Variants in SYT9 observed in about 807,000 individuals in gnomAD.
SYT9 encodes synaptotagmin 9.
SYT9 carries 22 observed loss-of-function variants against 48.4 expected under a neutral mutation model. The observed-to-expected ratio is 0.45, with a 90% confidence interval of 0.32 to 0.65. The LOEUF is 0.65. SYT9 is among the 30% of genes least tolerant of loss of function. The pLI is 0.03. For synonymous variants in SYT9, 265 were observed against 245.0 expected (o/e 1.08, Z -0.76); for missense variants, 577 against 622.0 (o/e 0.93, Z 0.77).
chr11:7,309,162 T>G (rs1465794966), intron 2 of SYT9, among the ~76,000 whole-genome samples: 1 of 152,224 alleles, frequency 6.6e-6, no homozygotes, highest in Non-Finnish European at 1.5e-5. Context: ...TATTTTCTCT[T>G]TGTTGTTTCT....
chr11:7,424,988 G>A (rs920732983), intron 6 of SYT9, among the ~76,000 whole-genome samples: 13 of 152,146 alleles, frequency 8.5e-5, no homozygotes, highest in African/African-American at 3.1e-4. Flanking sequence ...CTCTAGAAGG[G>A]TATAAACTTA....
At chr11:7,256,012 T>C (rs1847962290) in intron 1 of SYT9, among the ~76,000 whole-genome samples, 1 of 152,184 alleles carries the variant, frequency 6.6e-6, no homozygotes, top group Non-Finnish European at 1.5e-5. Flanking sequence ...CCATGGATCT[T>C]GATTATACTT....
chr11:7,385,615 T>C (rs1271466339), intron 3 of SYT9, among the ~76,000 whole-genome samples: 2 of 152,060 alleles, frequency 1.3e-5, no homozygotes, highest in Non-Finnish European at 1.5e-5. Context: ...AATTTACCTA[T>C]ATAACAAACC....
chr11:7,272,888 C>T (rs1250977786), intron 1 of SYT9, among the ~76,000 whole-genome samples: 1 of 152,130 alleles, frequency 6.6e-6, no homozygotes, highest in African/African-American at 2.4e-5. Context: ...CTTGAAGTGG[C>T]ATGTGACCTT....
At chr11:7,289,499 A>G (rs1848087812) in intron 1 of SYT9, among the ~76,000 whole-genome samples, 2 of 152,216 alleles carry the variant, frequency 1.3e-5, no homozygotes, top group African/African-American at 2.4e-5. Context: ...TTTTGCTACA[A>G]TTTTTAAAAA....
At chr11:7,318,731 T>C (rs529916149) in intron 3 of SYT9, among the ~76,000 whole-genome samples, 1 of 152,186 alleles carries the variant, frequency 6.6e-6, no homozygotes, top group Admixed American at 6.5e-5. Context: ...CCAGTGAGGT[T>C]TTTTTTACTC....
At position 7,468,494 on chromosome 11, in the gene SYT9, C is replaced by G; in HGVS notation, c.*1694C>G. 1 of 394,434 alleles carries G rather than the reference C, an allele frequency of 2.5e-6. No individual in the cohort carries two copies. 24.4% of individuals were successfully genotyped at this position (394,434 alleles called of 1,614,324 possible). A position where few individuals can be genotyped will look rare whatever the true frequency, so the allele number is the denominator to read the frequency against. On this transcript the variant is annotated 3_prime_UTR_variant, in exon 7 of 7. Coordinates refer to ENST00000318881, the MANE Select transcript of SYT9 (RefSeq NM_175733.4). ...TTGGCTTCCTCTGCTCAAGGTTCCC[C>G]TCTGCTCATCCCTCCTCATTCAGAC...
chr11:7,465,100 G>A (rs1309802660), intron 6 of SYT9, among the ~76,000 whole-genome samples: 1 of 151,686 alleles, frequency 6.6e-6, no homozygotes, highest in African/African-American at 2.4e-5. Context: ...AAAAACGAAA[G>A]TAGAGCTATT....
chr11:7,293,572 T>A (rs1352150197), intron 1 of SYT9, among the ~76,000 whole-genome samples: 1 of 152,182 alleles, frequency 6.6e-6, no homozygotes, highest in Non-Finnish European at 1.5e-5. Context: ...ATGAGAAGTA[T>A]TATAGTGGTT....
intron 1 of SYT9, among the ~76,000 whole-genome samples, chr11:7,240,580 G>A (rs1847730469): frequency 6.6e-6 from 1 of 152,012 alleles, no homozygotes; most frequent in Non-Finnish European, 1.5e-5. Flanking sequence ...AACATGAAGT[G>A]AATACCGTCT....
At chr11:7,352,659 A>G (rs1329485742) in intron 3 of SYT9, among the ~76,000 whole-genome samples, 1 of 152,348 alleles carries the variant, frequency 6.6e-6, no homozygotes, top group African/African-American at 2.4e-5. Context: ...AGAATAGTAC[A>G]AAATAATATG....
chr11:7,297,098 GAGAC>G (rs1327803438), intron 1 of SYT9, among the ~76,000 whole-genome samples: 383 of 130,266 alleles, frequency 2.9e-3, no homozygotes, highest in South Asian at 9.1e-3. Flanking sequence ...GAGAGAGAGA[GAGAC>G]AGAGAGAGAG....
At position 7,411,044 on chromosome 11, in the gene SYT9, G is replaced by A. The variant is rs890071933; in HGVS notation, c.1045-4998G>A. 1.3e-4 allele frequency among the ~76,000 whole-genome samples: 20 copies of A among 152,168 alleles called. No homozygotes were observed. In the East Asian group the frequency reaches 1.9e-3, roughly 15 times the overall value. On this transcript the variant is annotated intron_variant, in intron 3 of 6. Transcript: ENST00000318881. The stretch of plus-strand genomic sequence containing the variant: ...TAATTTTTGTATTTTTAGGAAAGAC[G>A]GGGTTTCACCATGTTGGCCAGGCTG...
intron 1 of SYT9, among the ~76,000 whole-genome samples, chr11:7,244,967 A>G (rs559569977): frequency 3.0e-4 from 46 of 152,346 alleles, no homozygotes; most frequent in South Asian, 1.9e-3. Flanking sequence ...CAGGAACTCT[A>G]TTTCAGAAAG....
At chr11:7,409,673 G>A (rs771080103) in intron 3 of SYT9, among the ~76,000 whole-genome samples, 8 of 152,000 alleles carry the variant, frequency 5.3e-5, no homozygotes, top group East Asian at 1.9e-4. Flanking sequence ...ATTCATAATC[G>A]TGTGTGATGA....
At chr11:7,449,837 A>T (rs1848012217) in intron 6 of SYT9, among the ~76,000 whole-genome samples, 1 of 152,022 alleles carries the variant, frequency 6.6e-6, no homozygotes, top group Admixed American at 6.5e-5. Context: ...TTATTCGTCC[A>T]TTCCCCAGTG....
chr11:7,388,371 C>CT (rs1699121250), intron 3 of SYT9, among the ~76,000 whole-genome samples: 1 of 152,150 alleles, frequency 6.6e-6, no homozygotes, highest in Non-Finnish European at 1.5e-5. Context: ...TTATTCGTGC[C>CT]TTTTTTTCTC....
chr11:7,265,705 A>T (rs967411320), intron 1 of SYT9, among the ~76,000 whole-genome samples: 3 of 148,628 alleles, frequency 2.0e-5, no homozygotes, highest in Non-Finnish European at 4.5e-5. Context: ...GAATTATCTC[A>T]AATTATTTGT....
At chr11:7,432,582 A>ATATATAT (rs1564902063) in intron 6 of SYT9, among the ~76,000 whole-genome samples, 1 of 3,512 alleles carries the variant, frequency 2.8e-4, no homozygotes, top group Non-Finnish European at 5.6e-4. Flanking sequence ...AAAAAAAAAA[A>ATATATAT]ATATATATAC....
Sources: gnomAD v4.1 joint callset for allele counts (sites outside exome capture counted in the v4.1 genomes callset) on GRCh38, gnomAD v4.1.1 for gene constraint, MANE v1.5 for transcripts, NCBI Gene and HGNC (gene_info 2026-07-23, HGNC 2026-07-21) for gene names.